The following PTN variants were observed in gnomAD, a reference collection of about 807,000 sequenced individuals.
The protein encoded by PTN is heparin affin regulatory protein.
PTN carries 18 observed loss-of-function variants against 24.1 expected under a neutral mutation model. The observed-to-expected ratio is 0.75, with a 90% CI of 0.52 to 1.11. The LOEUF is 1.11. PTN is among the 50% of genes least tolerant of loss of function. The pLI is 0.00. For synonymous variants in PTN, 78 were observed against 68.6 expected, an observed-to-expected ratio of 1.14 and a Z score of -0.67; for missense variants, 163 against 198.8, an observed-to-expected ratio of 0.82 and a Z score of 1.08.
chr7:137,240,135 T>C (rs181695575), intron 4 of PTN, among the ~76,000 whole-genome samples: 1 of 152,316 alleles, frequency 6.6e-6, no homozygotes, highest in African/African-American at 2.4e-5. Context: ...CTTGGTTCTG[T>C]TTAGTTTTTA....
chr7:137,259,446 G>C (rs374015409), intron 1 of PTN, among the ~76,000 whole-genome samples: 1 of 152,088 alleles, frequency 6.6e-6, no homozygotes, highest in African/African-American at 2.4e-5. Flanking sequence ...AGATTGAACT[G>C]TTTTGACATC....
chr7:137,295,945 AG>A (rs1809711766), intron 1 of PTN, among the ~76,000 whole-genome samples: 1 of 152,046 alleles, frequency 6.6e-6, no homozygotes, highest in African/African-American at 2.4e-5. Context: ...GCAGAAAAGA[AG>A]GGTCACTTGA....
intron 1 of PTN, among the ~76,000 whole-genome samples, chr7:137,278,424 A>G (rs1024375600): frequency 2.0e-5 from 3 of 151,718 alleles, no homozygotes; most frequent in African/African-American, 7.3e-5. Context: ...TCTATTTTAA[A>G]TATATATATT....
At chr7:137,286,153 T>C (rs1257582243) in intron 1 of PTN, among the ~76,000 whole-genome samples, 1 of 152,174 alleles carries the variant, frequency 6.6e-6, no homozygotes, top group Non-Finnish European at 1.5e-5. Flanking sequence ...TTTACCCTAA[T>C]AGAAGCACCC....
At chr7:137,282,482 A>T (rs1809488755) in intron 1 of PTN, among the ~76,000 whole-genome samples, 1 of 152,210 alleles carries the variant, frequency 6.6e-6, no homozygotes, top group Non-Finnish European at 1.5e-5. Context: ...GCAGAGAAGC[A>T]GAACAGAGAG....
intron 1 of PTN, among the ~76,000 whole-genome samples, chr7:137,343,024 G>GA (rs1455780145): frequency 6.6e-6 from 1 of 152,100 alleles, no homozygotes; most frequent in African/African-American, 2.4e-5. Flanking sequence ...GAGAGGCTGG[G>GA]AAAATGAGAG....
At chr7:137,268,376 G>A (rs1809201507) in intron 1 of PTN, among the ~76,000 whole-genome samples, 1 of 151,752 alleles carries the variant, frequency 6.6e-6, no homozygotes, top group South Asian at 2.1e-4. Context: ...CCGCGGACAG[G>A]AGACACCGAG....
At chr7:137,281,948 C>T (rs322235) in intron 1 of PTN, among the ~76,000 whole-genome samples, 147,767 of 152,334 alleles carry the variant, frequency 0.97, 71,835 homozygotes, top group East Asian at 1. Flanking sequence ...TTTAAGTAAC[C>T]TGCCTAAGAT....
At chr7:137,325,370 T>C (rs1810241251) in intron 1 of PTN, 1 of 152,198 alleles carries the variant, frequency 6.6e-6, no homozygotes, top group African/African-American at 2.4e-5. Flanking sequence ...TTACCACTGA[T>C]TCTGCCCTCC....
At chr7:137,278,298 C>A (rs1809401993) in intron 1 of PTN, among the ~76,000 whole-genome samples, 1 of 78,040 alleles carries the variant, frequency 1.3e-5, no homozygotes, top group African/African-American at 5.0e-5. Flanking sequence ...CAGAGCGAGA[C>A]TCCGTCTCAA....
chr7:137,261,764 G>T (rs1257756063), intron 1 of PTN, among the ~76,000 whole-genome samples: 1 of 152,110 alleles, frequency 6.6e-6, no homozygotes, highest in African/African-American at 2.4e-5. Context: ...TTAGGCAAAA[G>T]GTATAATCTA....
At chr7:137,337,050 T>C (rs1255610471) in intron 1 of PTN, among the ~76,000 whole-genome samples, 1 of 152,310 alleles carries the variant, frequency 6.6e-6, no homozygotes, top group African/African-American at 2.4e-5. Context: ...GTTTCTAATG[T>C]TTCATCCGTA....
chr7:137,268,646 A>T (rs1338287015), intron 1 of PTN, among the ~76,000 whole-genome samples: 1 of 152,210 alleles, frequency 6.6e-6, no homozygotes, highest in Non-Finnish European at 1.5e-5. Flanking sequence ...GTAGATAACA[A>T]CAGTTGCCAG....
At chr7:137,280,680 C>A (rs1809452905) in intron 1 of PTN, among the ~76,000 whole-genome samples, 1 of 51,838 alleles carries the variant, frequency 1.9e-5, no homozygotes, top group Non-Finnish European at 4.1e-5. Flanking sequence ...ATGGCAAAAC[C>A]CCGTCTCTAC....
At chr7:137,283,087 T>C (rs1809498822) in intron 1 of PTN, among the ~76,000 whole-genome samples, 1 of 152,096 alleles carries the variant, frequency 6.6e-6, no homozygotes, top group Admixed American at 6.5e-5. Context: ...ACTCCACAAA[T>C]GATGTAAAAT....
At chr7:137,242,223 T>C (rs1472158554) in intron 4 of PTN, among the ~76,000 whole-genome samples, 1 of 152,202 alleles carries the variant, frequency 6.6e-6, no homozygotes, top group Admixed American at 6.5e-5. Context: ...TTAAACAGTT[T>C]CTGTTCTTTT....
At chr7:137,277,483 T>C (rs896097320) in intron 1 of PTN, among the ~76,000 whole-genome samples, 2 of 152,212 alleles carry the variant, frequency 1.3e-5, no homozygotes, top group Non-Finnish European at 2.9e-5. Flanking sequence ...TTATTTGTAA[T>C]AGCCAAAAAT....
intron 1 of PTN, among the ~76,000 whole-genome samples, chr7:137,322,259 T>C (rs1242645475): frequency 6.6e-6 from 1 of 152,232 alleles, no homozygotes; most frequent in Non-Finnish European, 1.5e-5. Flanking sequence ...CATGTGGGCA[T>C]TCAATAAATA....
chr7:137,274,560 T>G (rs1355514893), intron 1 of PTN, among the ~76,000 whole-genome samples: 2 of 151,674 alleles, frequency 1.3e-5, no homozygotes, highest in African/African-American at 4.8e-5. Context: ...CCCCTCCCTG[T>G]GTCCATGTGT....
Sources: gnomAD v4.1 joint callset for allele counts (sites outside exome capture counted in the v4.1 genomes callset) on GRCh38, gnomAD v4.1.1 for gene constraint, MANE v1.5 for transcripts, NCBI Gene and HGNC (gene_info 2026-07-23, HGNC 2026-07-21) for gene names.